Variants in TTC39C observed in about 807,000 individuals in gnomAD.
The protein encoded by TTC39C is tetratricopeptide repeat domain 39C.
A neutral mutation model predicts 76.3 loss-of-function variants in TTC39C; 33 were observed. That is an observed-to-expected ratio of 0.43 (90% CI 0.33 to 0.58). The LOEUF is 0.58. Ranked by LOEUF, TTC39C falls within the 20% of genes least tolerant of loss-of-function variation. TTC39C has a pLI of 0.04. For missense variants in TTC39C, 595 were observed against 701.4 expected, an observed-to-expected ratio of 0.85 and a Z score of 1.71; for synonymous variants, 254 against 260.6, an observed-to-expected ratio of 0.97 and a Z score of 0.24.
Position 24,056,605 on chromosome 18 carries a change from A to G in TTC39C, c.168-7535A>G, listed in dbSNP as rs534109819. 1.2e-3 allele frequency among the ~76,000 whole-genome samples: 184 copies of G among 152,070 alleles called. 6 individuals are homozygous for G. In the South Asian group the frequency reaches 0.022, roughly 18 times the overall value. On this transcript the variant is annotated intron_variant, in intron 1 of 13. Transcript: ENST00000317571. ...AATCATCATCAGTCCAATTTTTAAT[A>G]TATTGGAGAGACCTTAAAAAAATTT...
chr18:24,082,492 A>G (rs966778203), intron 5 of TTC39C, among the ~76,000 whole-genome samples: 4 of 152,210 alleles, frequency 2.6e-5, no homozygotes, highest in African/African-American at 9.6e-5. Context: ...AGAAAACAAC[A>G]TTTTCCTTTT....
At chr18:24,123,365 C>A (rs2084999315) in intron 8 of TTC39C, among the ~76,000 whole-genome samples, 1 of 150,826 alleles carries the variant, frequency 6.6e-6, no homozygotes, top group Admixed American at 6.7e-5. Flanking sequence ...ACGGTGCAGT[C>A]CTTTGTGGAA....
At chr18:24,119,551 T>G (rs915810028) in intron 8 of TTC39C, among the ~76,000 whole-genome samples, 1 of 152,196 alleles carries the variant, frequency 6.6e-6, no homozygotes, top group African/African-American at 2.4e-5. Flanking sequence ...CATCGGTCCA[T>G]TAGCAAATGG....
intron 1 of TTC39C, among the ~76,000 whole-genome samples, chr18:24,047,007 G>C (rs541863652): frequency 6.6e-6 from 1 of 151,786 alleles, no homozygotes; most frequent in Admixed American, 6.6e-5. Flanking sequence ...TAGAATGTTA[G>C]CATGACATTC....
chr18:24,059,819 G>T (rs535306962), intron 1 of TTC39C, among the ~76,000 whole-genome samples: 4 of 152,306 alleles, frequency 2.6e-5, no homozygotes, highest in Non-Finnish European at 5.9e-5. Context: ...ATTTATAAAG[G>T]AAAGAGTTTT....
chr18:24,059,839 A>G (rs2084069746), intron 1 of TTC39C, among the ~76,000 whole-genome samples: 1 of 152,222 alleles, frequency 6.6e-6, no homozygotes, highest in African/African-American at 2.4e-5. Context: ...TAATTAACTC[A>G]TAGTTCCACA....
At chr18:24,122,300 C>T (rs761666482) in intron 8 of TTC39C, among the ~76,000 whole-genome samples, 23 of 151,812 alleles carry the variant, frequency 1.5e-4, no homozygotes, top group South Asian at 1.0e-3. Flanking sequence ...AGGCATATCA[C>T]GAGTACAAGA....
intron 7 of TTC39C, among the ~76,000 whole-genome samples, chr18:24,116,953 G>A (rs998515697): frequency 6.7e-6 from 1 of 149,868 alleles, no homozygotes; most frequent in African/African-American, 2.5e-5. Flanking sequence ...AGTCTCCCAA[G>A]TAGCTGGAAT....
At chr18:24,108,643 G>A (rs193100330) in intron 6 of TTC39C, among the ~76,000 whole-genome samples, 2 of 152,310 alleles carry the variant, frequency 1.3e-5, no homozygotes, top group Admixed American at 1.3e-4. Context: ...AAGTACATTA[G>A]TATGGAAATA....
At position 24,024,462 on chromosome 18, in the gene TTC39C, G is replaced by A. The variant is rs955677802; in HGVS notation, c.167+9424G>A. On this transcript the variant is annotated intron_variant, in intron 1 of 13. Coordinates refer to ENST00000317571, the MANE Select transcript of TTC39C (RefSeq NM_001135993.2). ...GAGGAGGAGAGAAAAGAGCAGGTAT[G>A]CTTTAAAATGAAGGAAGTAACAGAC... Among the ~76,000 whole-genome samples, 5 of 152,160 alleles carry A rather than the reference G, an allele frequency of 3.3e-5. No homozygotes were observed. In the East Asian group the frequency reaches 7.7e-4, roughly 23 times the overall value.
chr18:24,068,600 T>C (rs928161215), intron 3 of TTC39C, among the ~76,000 whole-genome samples: 3 of 152,232 alleles, frequency 2.0e-5, no homozygotes, highest in African/African-American at 7.2e-5. Flanking sequence ...TGCATATTTG[T>C]ATTTATATGA....
intron 1 of TTC39C, chr18:24,022,973 A>G (rs11875232): frequency 0.024 from 17,899 of 741,428 alleles, 1,254 homozygotes; most frequent in African/African-American, 0.21. Flanking sequence ...TTGTTTACAC[A>G]TCTGCCTGTC....
In TTC39C at chr18:24,015,520, G is replaced by C. The variant is rs543134167; in HGVS notation, c.167+482G>C. ...GCCTCGCATGGCTCTGCAACATTGT[G>C]CAATTCCAGACGCTTTTATTGTTTG... On this transcript the variant is annotated intron_variant, in intron 1 of 13. Coordinates refer to ENST00000317571, the MANE Select transcript of TTC39C (RefSeq NM_001135993.2). Among the ~76,000 whole-genome samples the C allele has an allele frequency of 3.1e-3, 466 of 152,364 alleles. 3 individuals carry two copies. The highest frequency in any genetic ancestry group is 4.5e-3 in the Non-Finnish European group (305 of 68,038).
intron 6 of TTC39C, among the ~76,000 whole-genome samples, chr18:24,090,231 T>A (rs998210582): frequency 6.6e-6 from 1 of 152,206 alleles, no homozygotes; most frequent in African/African-American, 2.4e-5. Flanking sequence ...GTATATATAT[T>A]TTTAGCTCCT....
At chr18:24,111,858 C>T (rs557727885) in intron 6 of TTC39C, among the ~76,000 whole-genome samples, 36 of 150,628 alleles carry the variant, frequency 2.4e-4, no homozygotes, top group African/African-American at 8.3e-4. Flanking sequence ...GCTACGAATG[C>T]GCCATTGCAC....
intron 1 of TTC39C, chr18:24,019,739 C>A: frequency 1.3e-6 from 1 of 763,138 alleles, no homozygotes; most frequent in Non-Finnish European, 2.0e-6. Flanking sequence ...TGAGACACAG[C>A]CATGCTCATT....
At chr18:24,045,916 T>TGTAC (rs1555769989) in intron 1 of TTC39C, among the ~76,000 whole-genome samples, 16 of 39,310 alleles carry the variant, frequency 4.1e-4, no homozygotes, top group Non-Finnish European at 5.2e-4. Context: ...TATATATATA[T>TGTAC]ATATATATAT....
intron 1 of TTC39C, among the ~76,000 whole-genome samples, chr18:24,045,954 T>G (rs1212724228): frequency 8.3e-6 from 1 of 120,900 alleles, no homozygotes; most frequent in Non-Finnish European, 1.7e-5. Context: ...TTTTTTTTTT[T>G]TTGAGACGGA....
chr18:24,079,159 C>G (rs558602514), intron 4 of TTC39C, among the ~76,000 whole-genome samples: 1 of 152,302 alleles, frequency 6.6e-6, no homozygotes, highest in African/African-American at 2.4e-5. Context: ...ATATTAATAA[C>G]ATTGCCAAGT....
Sources: allele counts gnomAD v4.1 joint callset (sites outside exome capture counted in the v4.1 genomes callset), GRCh38; gene constraint gnomAD v4.1.1; transcripts MANE v1.5; gene names NCBI Gene and HGNC (gene_info 2026-07-23, HGNC 2026-07-21).